COL23A1: variants seen among roughly 807,000 people sequenced by gnomAD.
The protein encoded by COL23A1 is collagen alpha-1(XXIII) chain.
COL23A1 carries 97 observed loss-of-function variants against 99.3 expected under a neutral mutation model. The observed-to-expected ratio is 0.98, with a 90% CI of 0.83 to 1.16. The LOEUF (loss-of-function observed/expected upper bound fraction) is 1.16. Among genes scored for constraint, COL23A1 ranks in the 50% most tolerant of loss-of-function variants. The probability of loss-of-function intolerance (pLI) is 0.00; values close to 1 mark genes in which losing one functional copy is unlikely to be tolerated. For missense variants in COL23A1, 762 were observed against 757.4 expected (o/e 1.01, Z -0.07); for synonymous variants, 320 against 308.2 (o/e 1.04, Z -0.40).
At chr5:178,493,742 G>A (rs1269730472) in intron 2 of COL23A1, among the ~76,000 whole-genome samples, 1 of 152,216 alleles carries the variant, frequency 6.6e-6, no homozygotes, top group East Asian at 1.9e-4. Context: ...GTGGCTGCAC[G>A]CAAAAGATTA....
chr5:178,487,108 G>A (rs895834924), intron 2 of COL23A1, among the ~76,000 whole-genome samples: 11 of 140,806 alleles, frequency 7.8e-5, no homozygotes, highest in African/African-American at 3.3e-4. Context: ...TCCAGGCTGG[G>A]GCCAGGTCCA....
intron 2 of COL23A1, among the ~76,000 whole-genome samples, chr5:178,348,021 C>G (rs1413548435): frequency 6.6e-6 from 1 of 152,090 alleles, no homozygotes; most frequent in African/African-American, 2.4e-5. Context: ...TTTGATCATC[C>G]TCCCCTGTCC....
chr5:178,268,829 T>C, intron 6 of COL23A1, 73 bp from the exon 7 acceptor site: 2 of 1,504,060 alleles, frequency 1.3e-6, no homozygotes, highest in Non-Finnish European at 1.8e-6. Context: ...GGCTTCCCTA[T>C]ACCTCTGAGG....
At chr5:178,243,488 CAAAA>C (rs1199927228) in intron 25 of COL23A1, among the ~76,000 whole-genome samples, 3 of 86,764 alleles carry the variant, frequency 3.5e-5, no homozygotes, top group Non-Finnish European at 2.5e-5. Flanking sequence ...ACTCCATCTC[CAAAA>C]AAAAAAAAAA....
chr5:178,507,052 A>G (rs1247233154), intron 2 of COL23A1, among the ~76,000 whole-genome samples: 1 of 152,196 alleles, frequency 6.6e-6, no homozygotes, highest in Admixed American at 6.5e-5. Context: ...AACAGGGTAC[A>G]TTTCTGTTTG....
At chr5:178,344,375 G>C (rs761742215) in intron 2 of COL23A1, among the ~76,000 whole-genome samples, 1 of 152,140 alleles carries the variant, frequency 6.6e-6, no homozygotes, top group South Asian at 2.1e-4. Flanking sequence ...GGTGGCTCAC[G>C]CCTGTAATCC....
At chr5:178,357,764 G>A (rs939167734) in intron 2 of COL23A1, among the ~76,000 whole-genome samples, 11 of 149,716 alleles carry the variant, frequency 7.3e-5, no homozygotes, top group Admixed American at 2.6e-4. Flanking sequence ...GTGTGTACGT[G>A]TATGTATGTG....
rs1758589272 is a variant in COL23A1, at chr5:178,310,052, GGA to G, written c.362-3135_362-3134del. Among the ~76,000 whole-genome samples, 2 of 152,352 alleles carry G rather than the reference GGA, an allele frequency of 1.3e-5. No individual in the cohort carries two copies. Among genetic ancestry groups the G allele is most frequent in the African/African-American group, 4.8e-5 (2 of 41,590 alleles). ...CAAGTCCAGCAAGCTCCAGGGCTTAGGAGAGACACAGGGCCACCTGGTCTGAT... is the reference window on the plus strand; with the variant it reads ...CAAGTCCAGCAAGCTCCAGGGCTTAGGAGACACAGGGCCACCTGGTCTGAT... On this transcript the variant is annotated intron_variant, in intron 2 of 28. Coordinates refer to ENST00000390654, the MANE Select transcript of COL23A1 (RefSeq NM_173465.4). The surrounding 1 kb of genome is among the most constrained non-coding windows in gnomAD (Gnocchi z 4.3).
chr5:178,264,494 T>G (rs1183116536), intron 8 of COL23A1, among the ~76,000 whole-genome samples: 1 of 152,064 alleles, frequency 6.6e-6, no homozygotes, highest in Non-Finnish European at 1.5e-5. Context: ...TCACTGTGAC[T>G]GGCACCTACC....
chr5:178,570,697 A>C (rs1265069305), intron 1 of COL23A1, among the ~76,000 whole-genome samples: 1 of 152,190 alleles, frequency 6.6e-6, no homozygotes, highest in African/African-American at 2.4e-5. Context: ...GTGATCTTTG[A>C]GACAGGCAAC....
rs575448159 is a variant in COL23A1 at position 178,368,350 on chromosome 5, A to G, written c.362-61431T>C. Among the ~76,000 whole-genome samples the G allele has an allele frequency of 1.5e-4, 23 of 152,248 alleles. No individual in the cohort carries two copies. In the South Asian group the frequency reaches 2.9e-3, roughly 19 times the overall value. ...AGAGTGGAAAGTGCAGAGAGTTCCC[A>G]TATCCCCTCAGCCCACAAACGCACA... On this transcript the variant is annotated intron_variant, in intron 2 of 28. Transcript: ENST00000390654.
At chr5:178,291,682 G>A (rs1487799649) in intron 3 of COL23A1, among the ~76,000 whole-genome samples, 1 of 152,180 alleles carries the variant, frequency 6.6e-6, no homozygotes, top group Non-Finnish European at 1.5e-5. Flanking sequence ...GGAGCGATGG[G>A]GAGGGGCAAG....
intron 25 of COL23A1, among the ~76,000 whole-genome samples, chr5:178,244,296 TTC>T (rs1219867543): frequency 6.6e-6 from 1 of 152,066 alleles, no homozygotes. Context: ...GCCGGTAATG[TTC>T]TCTTTTTAAA....
chr5:178,392,104 T>C (rs547448982), intron 2 of COL23A1, among the ~76,000 whole-genome samples: 4 of 146,598 alleles, frequency 2.7e-5, no homozygotes, highest in African/African-American at 7.6e-5. Flanking sequence ...TGGCTAGTAA[T>C]AGGAGTGTCT....
chr5:178,457,868 C>A (rs1755884426), intron 2 of COL23A1, among the ~76,000 whole-genome samples: 1 of 152,186 alleles, frequency 6.6e-6, no homozygotes, highest in Admixed American at 6.5e-5. Context: ...GCAGCATGCA[C>A]TTAAGATGCA....
intron 17 of COL23A1, among the ~76,000 whole-genome samples, chr5:178,251,379 GA>G (rs1765023495): frequency 6.6e-6 from 1 of 151,858 alleles, no homozygotes; most frequent in Non-Finnish European, 1.5e-5. Context: ...CATTAAATAT[GA>G]AAAAAACTAA....
chr5:178,582,251 G>A (rs1252777327), intron 1 of COL23A1, among the ~76,000 whole-genome samples: 1 of 150,570 alleles, frequency 6.6e-6, no homozygotes, highest in Non-Finnish European at 1.5e-5. Context: ...GAGAAGGATG[G>A]GCAAGCCATT....
intron 2 of COL23A1, among the ~76,000 whole-genome samples, chr5:178,488,430 T>C (rs915507884): frequency 1.6e-4 from 25 of 152,120 alleles, no homozygotes; most frequent in African/African-American, 5.8e-4. Flanking sequence ...TCCTCTCCCT[T>C]TGTGGCACAT....
chr5:178,582,860 G>C (rs960466501), intron 1 of COL23A1, among the ~76,000 whole-genome samples: 4 of 152,208 alleles, frequency 2.6e-5, no homozygotes, highest in African/African-American at 4.8e-5. Flanking sequence ...AGTGGGCAGA[G>C]AAACAGGGAC....
Sources: gnomAD v4.1 joint callset for allele counts (sites outside exome capture counted in the v4.1 genomes callset) on GRCh38, gnomAD v4.1.1 for gene constraint, Gnocchi (gnomAD v3.1) non-coding constraint, MANE v1.5 for transcripts, NCBI Gene and HGNC (gene_info 2026-07-23, HGNC 2026-07-21) for gene names.